Variants in VPS13D observed in about 807,000 individuals in gnomAD.
The protein encoded by VPS13D is intermembrane lipid transfer protein VPS13D.
In VPS13D, 187 loss-of-function variants were observed where a neutral mutation model predicts 461.9. That is an observed-to-expected ratio of 0.40 (90% CI 0.36 to 0.46). VPS13D has a LOEUF of 0.46. Among genes scored for constraint, VPS13D ranks in the 20% least tolerant of loss-of-function variants. VPS13D has a pLI of 0.60. For missense variants in VPS13D, 4,711 were observed against 5,364.9 expected (o/e 0.88, Z 3.81); for synonymous variants, 1,951 against 1,986.3 (o/e 0.98, Z 0.47).
intron 67 of VPS13D, among the ~76,000 whole-genome samples, chr1:12,477,618 T>G (rs1285740115): frequency 6.6e-6 from 1 of 152,166 alleles, no homozygotes; most frequent in Non-Finnish European, 1.5e-5. Context: ...TGGATGCTAA[T>G]CAGAGCATTA....
chr1:12,321,964 G>A lies in VPS13D; in HGVS notation c.7704G>A (p.Glu2568=). 3 of 1,613,300 alleles carry A rather than the reference G, an allele frequency of 1.9e-6. No homozygotes were observed. Among genetic ancestry groups the A allele is most frequent in the Non-Finnish European group, 2.5e-6 (3 of 1,179,720 alleles). ...FNSEDFPPVL[E]IQLQALDIRL... ...GTGAAGATTTCCCACCTGTCCTGGA[G>A]GTAATGATGCAAAATCTGTGCAATA... is the stretch of plus-strand genomic sequence containing the variant. Residue 2568 remains glutamate, a splice_region_variant and synonymous_variant, in exon 33 of 70, where the codon GAG becomes GAA. Coordinates refer to ENST00000620676, the MANE Select transcript of VPS13D (RefSeq NM_015378.4).
At chr1:12,332,388 G>A (rs1309742143) in intron 37 of VPS13D, among the ~76,000 whole-genome samples, 1 of 152,182 alleles carries the variant, frequency 6.6e-6, no homozygotes, top group Non-Finnish European at 1.5e-5. Flanking sequence ...ATGTACCACG[G>A]TGACCTGCGT....
In VPS13D at chr1:12,356,432, G is replaced by C. The variant is rs762172794; in HGVS notation, c.9906G>C (p.Lys3302Asn). The C allele has an allele frequency of 6.2e-7, 1 of 1,614,048 alleles. No homozygotes were observed. The highest frequency in any genetic ancestry group is 8.5e-7 in the Non-Finnish European group (1 of 1,180,002). ...LPLIFRQDNA[K>N]TDAAGQFEEH... ...TGATCTTCAGACAGGACAATGCCAA[G>C]ACAGATGCTGCAGGCCAGTTTGAGG... Residue 3302 changes from lysine to asparagine, a missense_variant, in exon 49 of 70, where the codon AAG (lysine) becomes AAC (asparagine). Lys to Asn is a moderately conservative substitution (Grantham distance 94). Transcript: ENST00000620676.
rs554060128 is a variant in VPS13D at position 12,359,771 on chromosome 1, A to C, written c.10141+1170A>C. ...CCCTTGACATGTGAACTGTCTTCTT[A>C]AAGTTGACATTAAGATTTTTAAAAG... On this transcript the variant is annotated intron_variant, in intron 50 of 69. Transcript: ENST00000620676. Among the ~76,000 whole-genome samples, 12 of 152,336 alleles carry C rather than the reference A, an allele frequency of 7.9e-5. No individual in the cohort carries two copies. In the South Asian group the frequency reaches 2.3e-3, roughly 29 times the overall value.
intron 54 of VPS13D, among the ~76,000 whole-genome samples, chr1:12,370,459 G>A (rs1644100568): frequency 6.6e-6 from 1 of 152,122 alleles, no homozygotes; most frequent in African/African-American, 2.4e-5. Flanking sequence ...TTTCCAAAAT[G>A]TTCGGAACAT....
At chr1:12,440,607 G>A (rs1162995558) in intron 65 of VPS13D, among the ~76,000 whole-genome samples, 1 of 152,194 alleles carries the variant, frequency 6.6e-6, no homozygotes, top group African/African-American at 2.4e-5. Flanking sequence ...CAGGCGCGGT[G>A]GCTCACACCT....
chr1:12,437,584 T>A (rs1273143898), intron 65 of VPS13D, among the ~76,000 whole-genome samples: 1 of 152,204 alleles, frequency 6.6e-6, no homozygotes, highest in African/African-American at 2.4e-5. Flanking sequence ...ATGTGGTTCA[T>A]GGTTTTCTAA....
chr1:12,446,849 T>A (rs1645198808), intron 65 of VPS13D, among the ~76,000 whole-genome samples: 2 of 152,218 alleles, frequency 1.3e-5, no homozygotes, highest in South Asian at 4.1e-4. Flanking sequence ...TTCTTCCTAG[T>A]ATAAATGGTA....
rs375840170 is a variant in VPS13D, at chr1:12,260,951, C to T, written c.1216C>T (p.Leu406=). ...TGCTCCTTTGTGATTGACACAGAGT[C>T]TGCGGGAGCCTCAGTTTGATTCTCC... The part of the protein sequence containing the change: ...FHKQEELAES[L]REPQFDSPGA... Residue 406 remains leucine, a synonymous_variant, in exon 12 of 70, where the codon CTG becomes TTG. Coordinates refer to ENST00000620676, the MANE Select transcript of VPS13D (RefSeq NM_015378.4). The T allele has an allele frequency of 4.3e-6, 7 of 1,613,820 alleles. No homozygotes were observed. The highest frequency in any genetic ancestry group is 2.7e-5 in the African/African-American group (2 of 74,912).
chr1:12,239,924 A>G (rs1014076959), intron 2 of VPS13D, among the ~76,000 whole-genome samples: 3 of 152,066 alleles, frequency 2.0e-5, no homozygotes, highest in African/African-American at 7.2e-5. Flanking sequence ...GGAGTGAGTG[A>G]CCTGCATTAT....
At chr1:12,232,787 G>C (rs945301517) in intron 1 of VPS13D, among the ~76,000 whole-genome samples, 4 of 151,814 alleles carry the variant, frequency 2.6e-5, no homozygotes, top group African/African-American at 9.7e-5. Flanking sequence ...ATTGTTCATT[G>C]TATCAGCGTC....
chr1:12,510,755 A>G lies in VPS13D; in HGVS notation c.*1731A>G, dbSNP rs866910706. 7 of 152,218 alleles carry G rather than the reference A, an allele frequency of 4.6e-5. No individual in the cohort carries two copies. The highest frequency in any genetic ancestry group is 1.7e-4 in the African/African-American group (7 of 41,406). The allele number at this position is 152,218 out of a possible 1,614,324, so 9.4% of individuals were successfully genotyped here. ...GTGTGTGTCTTGCTGGGGGGTGGTG[A>G]TGATTGTCTCAGCACTCACGCACTG... On this transcript the variant is annotated 3_prime_UTR_variant, in exon 70 of 70. Coordinates refer to ENST00000620676, the MANE Select transcript of VPS13D (RefSeq NM_015378.4).
chr1:12,295,823 T>C (rs1004011830), intron 24 of VPS13D, among the ~76,000 whole-genome samples: 4 of 152,192 alleles, frequency 2.6e-5, no homozygotes, highest in East Asian at 1.9e-4. Flanking sequence ...CCTATTCCGT[T>C]CCCCTGTCAA....
chr1:12,356,615 T>C, intron 49 of VPS13D, 91 bp downstream of exon 49: 8 of 1,487,466 alleles, frequency 5.4e-6, no homozygotes, highest in Non-Finnish European at 7.2e-6. Context: ...TAAGTAGAAA[T>C]ATACTGTAGA....
At chr1:12,392,262 C>T (rs552470868) in intron 60 of VPS13D, among the ~76,000 whole-genome samples, 5 of 152,178 alleles carry the variant, frequency 3.3e-5, no homozygotes, top group Admixed American at 1.3e-4. Context: ...GAGGCCAAGG[C>T]GGGCAGATGG....
intron 67 of VPS13D, among the ~76,000 whole-genome samples, chr1:12,494,276 C>T (rs1645926403): frequency 6.6e-6 from 1 of 152,158 alleles, no homozygotes; most frequent in Non-Finnish European, 1.5e-5. Context: ...TGTGTATCCT[C>T]AGGGGAGCCA....
intron 65 of VPS13D, among the ~76,000 whole-genome samples, chr1:12,455,535 C>T (rs7519797): frequency 0.11 from 16,183 of 152,222 alleles, 1,000 homozygotes; most frequent in Non-Finnish European, 0.14. Context: ...ATGCATCCCC[C>T]AATTGGTATG....
At chr1:12,451,929 C>G (rs1029792939) in intron 65 of VPS13D, among the ~76,000 whole-genome samples, 11 of 152,214 alleles carry the variant, frequency 7.2e-5, no homozygotes, top group Admixed American at 6.5e-4. Flanking sequence ...CTAATCCTTA[C>G]AGCATCTTTG....
chr1:12,498,962 ACT>A (rs1056013820), intron 68 of VPS13D, among the ~76,000 whole-genome samples: 2 of 152,016 alleles, frequency 1.3e-5, no homozygotes, highest in African/African-American at 4.8e-5. Flanking sequence ...GGAGGGGGTA[ACT>A]CTGTCCACAG....
Sources: allele counts gnomAD v4.1 joint callset (sites outside exome capture counted in the v4.1 genomes callset), GRCh38; gene constraint gnomAD v4.1.1; transcripts MANE v1.5; gene names NCBI Gene and HGNC (gene_info 2026-07-23, HGNC 2026-07-21).